The following ROBO2 variants were observed in gnomAD, a reference collection of about 807,000 sequenced individuals.
ROBO2 encodes roundabout guidance receptor 2.
ROBO2 carries 53 observed loss-of-function variants against 160.8 expected under a neutral mutation model. The ratio of observed to expected loss-of-function variants is 0.33; its 90% CI spans 0.26 to 0.41. The LOEUF (loss-of-function observed/expected upper bound fraction) is 0.41, where lower values mean the gene tolerates loss of function less well. ROBO2 is among the 10% of genes least tolerant of loss of function. ROBO2 has a pLI of 1.00. For synonymous variants in ROBO2, 664 were observed against 611.7 expected (o/e 1.09, Z -1.26); for missense variants, 1,577 against 1,722.4 (o/e 0.92, Z 1.49).
chr3:75,950,108 CTCCAACT>C (rs1948479625), intron 2 of ROBO2, among the ~76,000 whole-genome samples: 1 of 151,992 alleles, frequency 6.6e-6, no homozygotes, highest in Non-Finnish European at 1.5e-5. Flanking sequence ...ATCATTGTGT[CTCCAACT>C]TGTGTTATCC....
chr3:77,005,870 T>C (rs1445816829), intron 2 of ROBO2, among the ~76,000 whole-genome samples: 1 of 152,236 alleles, frequency 6.6e-6, no homozygotes, highest in Non-Finnish European at 1.5e-5. Flanking sequence ...TATTCATAAA[T>C]ATTCTGTCTC....
At chr3:77,010,363 T>A (rs1000096883) in intron 2 of ROBO2, among the ~76,000 whole-genome samples, 43 of 152,064 alleles carry the variant, frequency 2.8e-4, no homozygotes, top group African/African-American at 1.0e-3. Flanking sequence ...GAAGGAAGAG[T>A]AATCAATTTA....
At chr3:76,435,466 C>T (rs1389189930) in intron 2 of ROBO2, 7 of 738,598 alleles carry the variant, frequency 9.5e-6, no homozygotes, top group Middle Eastern at 3.8e-4. Flanking sequence ...CCCTTCACAC[C>T]GTGGGATAAA....
At chr3:76,789,927 C>T (rs1428319882) in intron 2 of ROBO2, among the ~76,000 whole-genome samples, 1 of 151,662 alleles carries the variant, frequency 6.6e-6, no homozygotes, top group Non-Finnish European at 1.5e-5. Context: ...TTGTAGAGCA[C>T]AGTCTATTTA....
intron 1 of ROBO2, among the ~76,000 whole-genome samples, chr3:75,919,723 T>C (rs560794280): frequency 3.3e-5 from 5 of 152,286 alleles, no homozygotes; most frequent in African/African-American, 9.6e-5. Flanking sequence ...AACTTGTTAT[T>C]GGTCTATTCA....
rs545857923 is a variant in ROBO2 at position 77,610,352 on chromosome 3, C to T, written c.3293+2398C>T. Among the ~76,000 whole-genome samples, 3 of 151,954 alleles carry T rather than the reference C, an allele frequency of 2.0e-5. No individual in the cohort carries two copies. In the South Asian group the frequency reaches 6.2e-4, roughly 31 times the overall value. ...CTCCATACTTATTAGAGACCAGACACTAACATTATCCTGTTCCTGACACAC... is the reference window on the plus strand; with the variant it reads ...CTCCATACTTATTAGAGACCAGACATTAACATTATCCTGTTCCTGACACAC... On this transcript the variant is annotated intron_variant, in intron 21 of 25. Coordinates refer to ENST00000461745, the Ensembl canonical transcript of ROBO2.
rs1470883831 is a variant in ROBO2, at chr3:77,305,907, T to C, written c.389-171507T>C. Among the ~76,000 whole-genome samples, 4 of 152,304 alleles carry C rather than the reference T, an allele frequency of 2.6e-5. No individual in the cohort carries two copies. The East Asian group carries it at 7.7e-4, about 29-fold the overall frequency. On this transcript the variant is annotated intron_variant, in intron 2 of 25. Transcript: ENST00000461745. ...AAGGATTAATATGTATGTCTGTCTG[T>C]GCCCTTTTATTCTTTTGAAGACTTT...
chr3:76,435,245 C>T, intron 2 of ROBO2: 2 of 1,518,758 alleles, frequency 1.3e-6, no homozygotes, highest in Non-Finnish European at 1.8e-6. Flanking sequence ...AAACAGATGG[C>T]TGCCATGCTT....
intron 2 of ROBO2, among the ~76,000 whole-genome samples, chr3:76,952,120 C>G (rs1409591831): frequency 6.6e-6 from 1 of 152,150 alleles, no homozygotes; most frequent in Non-Finnish European, 1.5e-5. Context: ...GACCTCCCAT[C>G]CCATAGTAGA....
chr3:76,015,845 T>G (rs2066390307), intron 2 of ROBO2, among the ~76,000 whole-genome samples: 1 of 152,224 alleles, frequency 6.6e-6, no homozygotes. Context: ...GTCACAAGAA[T>G]TCACTCTTAA....
chr3:76,600,629 G>A (rs2087067714), intron 2 of ROBO2, among the ~76,000 whole-genome samples: 1 of 152,134 alleles, frequency 6.6e-6, no homozygotes, highest in Admixed American at 6.6e-5. Flanking sequence ...TGAGAACAGT[G>A]CAGGAAAGGC....
At chr3:77,377,241 A>G (rs1451886674) in intron 2 of ROBO2, among the ~76,000 whole-genome samples, 1 of 152,236 alleles carries the variant, frequency 6.6e-6, no homozygotes, top group Non-Finnish European at 1.5e-5. Flanking sequence ...ATATAAATGA[A>G]TAAGCAATAA....
chr3:76,556,333 C>A (rs1439571385), intron 2 of ROBO2, among the ~76,000 whole-genome samples: 1 of 151,972 alleles, frequency 6.6e-6, no homozygotes, highest in Admixed American at 6.6e-5. Context: ...GCTCTGAAGC[C>A]TCAGAAGGGA....
chr3:76,104,642 T>C (rs1382268546), intron 2 of ROBO2, among the ~76,000 whole-genome samples: 1 of 145,836 alleles, frequency 6.9e-6, no homozygotes, highest in Non-Finnish European at 1.5e-5. Context: ...AAATAGTAAA[T>C]GATGAATTAT....
chr3:77,596,616 G>T lies in ROBO2; in HGVS notation c.2727-7G>T, dbSNP rs760270431. On this transcript the variant is annotated splice_region_variant and splice_polypyrimidine_tract_variant and intron_variant, in intron 18 of 25. Transcript: ENST00000461745. ...ATGTGTTGATTTCCTTGTAATTTCTGTTTTAGCCGTCCAGGTCTTCTCAAT... is the reference window on the plus strand; with the variant it reads ...ATGTGTTGATTTCCTTGTAATTTCTTTTTTAGCCGTCCAGGTCTTCTCAAT... 6.2e-7 allele frequency: 1 copy of T among 1,613,712 alleles called. No individual in the cohort carries two copies. Among genetic ancestry groups the T allele is most frequent in the East Asian group, 2.2e-5 (1 of 44,850 alleles).
chr3:76,251,042 C>G (rs1370227348), intron 2 of ROBO2, among the ~76,000 whole-genome samples: 1 of 152,034 alleles, frequency 6.6e-6, no homozygotes, highest in African/African-American at 2.4e-5. Flanking sequence ...TCTTTCCTGA[C>G]TGATTGTAGC....
intron 2 of ROBO2, among the ~76,000 whole-genome samples, chr3:76,834,373 A>T (rs2067478812): frequency 6.6e-6 from 1 of 151,074 alleles, no homozygotes; most frequent in Non-Finnish European, 1.5e-5. Flanking sequence ...TTATTTACTT[A>T]TTTATTTTTG....
intron 2 of ROBO2, among the ~76,000 whole-genome samples, chr3:77,279,134 A>ATTC (rs2060080816): frequency 6.6e-6 from 1 of 152,072 alleles, no homozygotes; most frequent in Non-Finnish European, 1.5e-5. Context: ...GAAAACTGAA[A>ATTC]ACGTCTCTTT....
At chr3:77,542,727 T>C (rs2092527427) in intron 6 of ROBO2, among the ~76,000 whole-genome samples, 1 of 152,172 alleles carries the variant, frequency 6.6e-6, no homozygotes, top group Non-Finnish European at 1.5e-5. Context: ...AATGGTATCT[T>C]TAGGTGCTAC....
Sources: gnomAD v4.1 joint callset for allele counts (sites outside exome capture counted in the v4.1 genomes callset) on GRCh38, gnomAD v4.1.1 for gene constraint, MANE v1.5 for transcripts, NCBI Gene and HGNC (gene_info 2026-07-23, HGNC 2026-07-21) for gene names.